Variants in TTLL5 observed in about 807,000 individuals in gnomAD.
TTLL5 encodes the protein tubulin polyglutamylase TTLL5.
In TTLL5, 132 loss-of-function variants were observed where a neutral mutation model predicts 168.4. The ratio of observed to expected loss-of-function variants is 0.78; its 90% CI spans 0.68 to 0.91. The LOEUF is 0.91. Ranked by LOEUF, TTLL5 falls within the 40% of genes least tolerant of loss-of-function variation. The probability of loss-of-function intolerance (pLI) is 0.00; values close to 1 mark genes in which losing one functional copy is unlikely to be tolerated. For synonymous variants in TTLL5, 546 were observed against 558.6 expected (o/e 0.98, Z 0.32); for missense variants, 1,545 against 1,581.5 (o/e 0.98, Z 0.39).
chr14:75,707,594 T>C, intron 8 of TTLL5, 29 bp from the exon 9 acceptor site: 1 of 1,598,260 alleles, frequency 6.3e-7, no homozygotes, highest in Non-Finnish European at 8.5e-7. Context: ...CTTAGTTTTT[T>C]TTTGTGAATA....
At position 75,820,005 on chromosome 14, in the gene TTLL5, A is replaced by C; in HGVS notation, c.3172-2A>C. On this transcript the variant is annotated splice_acceptor_variant, in intron 27 of 31. Coordinates refer to ENST00000298832, the MANE Select transcript of TTLL5 (RefSeq NM_015072.5). LOFTEE classifies it high-confidence loss of function. ...AGGTTATTTCCCTCGCTTTATTTCT[A>C]GGTAACAAACCTGAATTTGGCAACT... 6.3e-7 allele frequency: 1 copy of C among 1,593,138 alleles called. No individual in the cohort carries two copies. Among genetic ancestry groups the C allele is most frequent in the Non-Finnish European group, 8.5e-7 (1 of 1,172,102 alleles).
chr14:75,732,000 C>CT (rs762598685), intron 12 of TTLL5, among the ~76,000 whole-genome samples: 1,506 of 129,558 alleles, frequency 0.012, 20 homozygotes, highest in African/African-American at 0.034. Flanking sequence ...TTCCCCGCCT[C>CT]TTTTTTTTTT....
intron 29 of TTLL5, 81 bp from the exon 30 acceptor site, chr14:75,882,604 A>G (rs1022371431): frequency 5.5e-6 from 7 of 1,272,790 alleles, no homozygotes; most frequent in Non-Finnish European, 6.5e-6. Flanking sequence ...GCCCCTTGAC[A>G]GGATTACAGA....
intron 30 of TTLL5, among the ~76,000 whole-genome samples, chr14:75,895,211 A>G (rs1372421570): frequency 1.3e-5 from 2 of 152,224 alleles, no homozygotes; most frequent in East Asian, 3.8e-4. Flanking sequence ...AAAAATACTT[A>G]TCTATATGTA....
intron 29 of TTLL5, among the ~76,000 whole-genome samples, chr14:75,868,738 C>T (rs1405171575): frequency 3.3e-5 from 5 of 152,118 alleles, no homozygotes; most frequent in South Asian, 4.1e-4. Context: ...GTTCATTGCA[C>T]GTGTCTAAAA....
intron 9 of TTLL5, among the ~76,000 whole-genome samples, chr14:75,716,842 A>C (rs1003214404): frequency 1.3e-5 from 2 of 152,218 alleles, no homozygotes; most frequent in African/African-American, 4.8e-5. Flanking sequence ...TTTTGACAAC[A>C]GTCCGGGATA....
At chr14:75,887,283 A>G (rs1038920993) in intron 30 of TTLL5, 2 of 985,886 alleles carry the variant, frequency 2.0e-6, no homozygotes, top group Admixed American at 6.1e-5. Context: ...GAATATGAAA[A>G]TAAACACCGG....
intron 12 of TTLL5, among the ~76,000 whole-genome samples, chr14:75,722,639 T>C (rs1368451725): frequency 1.3e-5 from 2 of 152,140 alleles, no homozygotes; most frequent in East Asian, 3.8e-4. Flanking sequence ...TGTCCCCTTT[T>C]TAAATTTTTT....
intron 12 of TTLL5, among the ~76,000 whole-genome samples, chr14:75,725,042 G>A (rs1336488688): frequency 6.6e-6 from 1 of 152,182 alleles, no homozygotes; most frequent in African/African-American, 2.4e-5. Flanking sequence ...GACAAGTTGT[G>A]GAGCCACTTG....
chr14:75,944,447 C>T (rs2034706474), intron 31 of TTLL5, among the ~76,000 whole-genome samples: 1 of 152,140 alleles, frequency 6.6e-6, no homozygotes, highest in Non-Finnish European at 1.5e-5. Flanking sequence ...CCACTTTCAC[C>T]AACCCACGGA....
chr14:75,752,937 C>T lies in TTLL5; in HGVS notation c.1532C>T (p.Thr511Ile), dbSNP rs771720916. The change falls in exon 18 of 32, where the codon ACA (threonine) becomes ATA (isoleucine). Residue 511 changes from threonine to isoleucine, a missense_variant. Transcript: ENST00000298832. The stretch of plus-strand genomic sequence containing the variant: ...ACCTCAATGAACTATATGCTGGCAA[C>T]ACGCCTCTTCCAGGACAGGTAGAGA... ...HKTSMNYMLA[T>I]RLFQDRMTAD... The T allele has an allele frequency of 1.2e-6, 2 of 1,613,352 alleles. No individual in the cohort carries two copies. Among genetic ancestry groups the T allele is most frequent in the Non-Finnish European group, 8.5e-7 (1 of 1,179,570 alleles).
At chr14:75,851,721 A>C (rs934536043) in intron 28 of TTLL5, among the ~76,000 whole-genome samples, 21 of 152,264 alleles carry the variant, frequency 1.4e-4, no homozygotes, top group African/African-American at 4.8e-4. Context: ...TCTCCTGCTC[A>C]CACATCTGAG....
At chr14:75,876,515 A>G (rs557145193) in intron 29 of TTLL5, among the ~76,000 whole-genome samples, 31 of 152,294 alleles carry the variant, frequency 2.0e-4, no homozygotes, top group African/African-American at 7.0e-4. Context: ...TTTAGAAATG[A>G]GAGGATATGT....
At chr14:75,928,734 G>C in intron 31 of TTLL5, among the ~76,000 whole-genome samples, 1 of 152,010 alleles carries the variant, frequency 6.6e-6, no homozygotes, top group East Asian at 1.9e-4. Flanking sequence ...CTTCTGTCCT[G>C]GGCTGTCCCC....
At chr14:75,951,510 A>C (rs776462851) in intron 31 of TTLL5, among the ~76,000 whole-genome samples, 2 of 152,146 alleles carry the variant, frequency 1.3e-5, no homozygotes, top group African/African-American at 4.8e-5. Context: ...CTGTAAAGTC[A>C]ACACTTTGGG....
At chr14:75,792,777 G>A in intron 26 of TTLL5, 139 bp from the exon 27 acceptor site, 1 of 658,226 alleles carries the variant, frequency 1.5e-6, no homozygotes, top group Non-Finnish European at 2.3e-6. Flanking sequence ...ATCATTTGAA[G>A]ATAGTTTATT....
In TTLL5 at chr14:75,771,758, C is replaced by G. The variant is rs758606045; in HGVS notation, c.2040C>G (p.Phe680Leu). Reference protein sequence around the residue: ...NLSKMQARIAFSAYLQHVQIR... With the variant: ...NLSKMQARIALSAYLQHVQIR... ...GCAAAATGCAGGCCCGAATAGCATT[C>G]TCTGCCTATCTCCAGCATGTTCAAA... The change falls in exon 21 of 32, where the codon TTC becomes TTG. Residue 680 changes from phenylalanine (F) to leucine (L), a missense_variant. By Grantham distance (22) the Phe-to-Leu change is conservative (BLOSUM62 0). Transcript: ENST00000298832. 18 of 1,613,864 alleles carry G rather than the reference C, an allele frequency of 1.1e-5. No homozygotes were observed. In the South Asian group the frequency reaches 2.0e-4, roughly 18 times the overall value.
chr14:75,869,365 C>G (rs1378352762), intron 29 of TTLL5, among the ~76,000 whole-genome samples: 2 of 152,016 alleles, frequency 1.3e-5, no homozygotes, highest in Non-Finnish European at 2.9e-5. Flanking sequence ...GTCAGATAAC[C>G]CACAGCTTAA....
In TTLL5 at chr14:75,745,108, T is replaced by C. The variant is rs544297180; in HGVS notation, c.1295T>C (p.Leu432Pro). Residue 432 changes from leucine (L) to proline (P), a missense_variant, in exon 16 of 32, where the codon CTC becomes CCC. Transcript: ENST00000298832. ...PFQKPQRCRP[L>P]SASDAEMKNL... ...TCTTCTCCTTAGCGTTGCCGTCCAC[T>C]CTCTGCCAGTGATGCGGAAATGAAA... 4 of 1,613,886 alleles carry C rather than the reference T, an allele frequency of 2.5e-6. No homozygotes were observed. The highest frequency in any genetic ancestry group is 2.2e-5 in the South Asian group (2 of 91,046).
Sources: allele counts gnomAD v4.1 joint callset (sites outside exome capture counted in the v4.1 genomes callset), GRCh38; gene constraint gnomAD v4.1.1; transcripts MANE v1.5; gene names NCBI Gene and HGNC (gene_info 2026-07-23, HGNC 2026-07-21).